Variants in AGBL1 observed in about 807,000 individuals in gnomAD.
AGBL1 encodes AGBL carboxypeptidase 1.
Under a neutral mutation model 118.9 loss-of-function variants are expected in AGBL1, and 130 were observed. That is an observed-to-expected ratio of 1.09 (90% CI 0.95 to 1.26). The LOEUF (loss-of-function observed/expected upper bound fraction) is 1.26. Among genes scored for constraint, AGBL1 ranks in the 50% most tolerant of loss-of-function variants. The pLI is 0.00. For synonymous variants in AGBL1, 555 were observed against 478.9 expected (o/e 1.16, Z -2.08); for missense variants, 1,584 against 1,298.1 (o/e 1.22, Z -3.38).
intron 17 of AGBL1, among the ~76,000 whole-genome samples, chr15:86,335,305 A>AT (rs1168492299): frequency 4.0e-5 from 6 of 151,864 alleles, no homozygotes; most frequent in African/African-American, 1.2e-4. Flanking sequence ...CGCCCAGCTA[A>AT]TTTTTTGTAT....
intron 21 of AGBL1, among the ~76,000 whole-genome samples, chr15:86,587,901 T>C (rs1209027124): frequency 1.3e-5 from 2 of 152,190 alleles, no homozygotes; most frequent in African/African-American, 4.8e-5. Context: ...AAGCTTCTAG[T>C]TCTTCCCCAG....
chr15:86,226,177 G>A (rs1342763557), intron 6 of AGBL1, among the ~76,000 whole-genome samples: 1 of 152,154 alleles, frequency 6.6e-6, no homozygotes, highest in Non-Finnish European at 1.5e-5. Flanking sequence ...GTTACTGTGG[G>A]TTCTGGGGAG....
At chr15:86,465,438 T>G (rs1475326485) in intron 18 of AGBL1, among the ~76,000 whole-genome samples, 1 of 152,102 alleles carries the variant, frequency 6.6e-6, no homozygotes, top group Non-Finnish European at 1.5e-5. Context: ...ATAACAGAGA[T>G]TTTCAGGGAA....
intron 18 of AGBL1, among the ~76,000 whole-genome samples, chr15:86,491,714 A>T (rs950178003): frequency 6.6e-6 from 1 of 152,176 alleles, no homozygotes; most frequent in Non-Finnish European, 1.5e-5. Context: ...GTTTAAACTG[A>T]TGATTAAACA....
At chr15:86,684,486 T>G (rs1184076318) in intron 22 of AGBL1, among the ~76,000 whole-genome samples, 2 of 151,784 alleles carry the variant, frequency 1.3e-5, no homozygotes, top group Admixed American at 1.3e-4. Flanking sequence ...TTTTTTCTCT[T>G]CTATTTCTTT....
At position 86,806,887 on chromosome 15, in the gene AGBL1, T is replaced by C. The variant is rs193119951; in HGVS notation, c.3159-100200T>C. ...TTCTATTGTACTGTGTTATATACAA[T>C]ACGTGATATACCACGTATCATACGG... On this transcript the variant is annotated intron_variant, in intron 22 of 22. Coordinates refer to ENST00000614907, the MANE Select transcript of AGBL1 (RefSeq NM_001386094.1). Among the ~76,000 whole-genome samples, 27 of 152,076 alleles carry C rather than the reference T, an allele frequency of 1.8e-4. No individual in the cohort carries two copies. The East Asian group carries it at 5.2e-3, about 29-fold the overall frequency.
At chr15:86,346,792 A>C (rs1490221728) in intron 17 of AGBL1, among the ~76,000 whole-genome samples, 1 of 152,222 alleles carries the variant, frequency 6.6e-6, no homozygotes, top group Non-Finnish European at 1.5e-5. Flanking sequence ...TCATAGCTTA[A>C]CATCCACAGG....
intron 18 of AGBL1, among the ~76,000 whole-genome samples, chr15:86,469,673 G>A (rs1479610486): frequency 6.6e-6 from 1 of 151,926 alleles, no homozygotes; most frequent in Non-Finnish European, 1.5e-5. Context: ...CTAGGATGCC[G>A]GTACCAATTT....
intron 17 of AGBL1, among the ~76,000 whole-genome samples, chr15:86,332,121 C>A (rs2080280328): frequency 6.6e-6 from 1 of 152,026 alleles, no homozygotes; most frequent in African/African-American, 2.4e-5. Flanking sequence ...GATTGCTATT[C>A]TTTTATTAAA....
At chr15:86,560,302 G>C (rs9796578) in intron 21 of AGBL1, among the ~76,000 whole-genome samples, 824 of 102,436 alleles carry the variant, frequency 8.0e-3, no homozygotes, top group African/African-American at 0.01. Flanking sequence ...CCCCACCCCC[G>C]CAACAGTCCC....
intron 21 of AGBL1, among the ~76,000 whole-genome samples, chr15:86,614,113 G>A (rs2437796): frequency 0.48 from 73,523 of 151,970 alleles, 17,798 homozygotes; most frequent in East Asian, 0.6. Flanking sequence ...GATTCTATCT[G>A]TTTTAACTGT....
At chr15:86,319,947 G>A (rs1367083529) in intron 17 of AGBL1, among the ~76,000 whole-genome samples, 1 of 151,780 alleles carries the variant, frequency 6.6e-6, no homozygotes, top group African/African-American at 2.4e-5. Flanking sequence ...AGTAGAGACA[G>A]GGTTTCACCA....
chr15:86,556,361 G>A, intron 21 of AGBL1: 2 of 1,316,120 alleles, frequency 1.5e-6, no homozygotes, highest in Non-Finnish European at 2.2e-6. Context: ...ATAATGGAGG[G>A]AGAACTGGCT....
At chr15:86,968,781 G>A (rs2081078883) in intron 23 of AGBL1, among the ~76,000 whole-genome samples, 1 of 151,874 alleles carries the variant, frequency 6.6e-6, no homozygotes, top group Non-Finnish European at 1.5e-5. Flanking sequence ...CACAGTTCTA[G>A]AGGCTGGAAA....
chr15:86,947,609 G>C (rs2080839295), intron 23 of AGBL1, among the ~76,000 whole-genome samples: 1 of 152,102 alleles, frequency 6.6e-6, no homozygotes, highest in Admixed American at 6.6e-5. Flanking sequence ...CAAATTGTAA[G>C]TCATATGATT....
chr15:87,011,989 G>GAA (rs57586511), intron 24 of AGBL1, among the ~76,000 whole-genome samples: 1 of 150,116 alleles, frequency 6.7e-6, no homozygotes, highest in African/African-American at 2.4e-5. Flanking sequence ...TGAAACCTAA[G>GAA]AAAAAAAAAT....
intron 5 of AGBL1, among the ~76,000 whole-genome samples, chr15:86,178,290 T>C (rs1948002203): frequency 1.3e-5 from 2 of 152,102 alleles, no homozygotes; most frequent in South Asian, 4.1e-4. Context: ...TCCAGCCCGA[T>C]GACAGAGCGA....
intron 9 of AGBL1, among the ~76,000 whole-genome samples, chr15:86,259,964 G>A (rs148091553): frequency 7.2e-5 from 11 of 152,344 alleles, no homozygotes; most frequent in African/African-American, 2.4e-4. Flanking sequence ...GAGGGGTGGG[G>A]TAGAGAGAAC....
At chr15:86,248,281 A>G (rs141576937) in intron 7 of AGBL1, among the ~76,000 whole-genome samples, 2,672 of 152,274 alleles carry the variant, frequency 0.018, 47 homozygotes, top group East Asian at 0.068. Context: ...CGCACCACTG[A>G]ACTCCAGCCT....
Sources: gnomAD v4.1 joint callset for allele counts (sites outside exome capture counted in the v4.1 genomes callset) on GRCh38, gnomAD v4.1.1 for gene constraint, MANE v1.5 for transcripts, NCBI Gene and HGNC (gene_info 2026-07-23, HGNC 2026-07-21) for gene names.